Variants in ZGRF1 observed in about 807,000 individuals in gnomAD.
ZGRF1 encodes the protein 5'-3' DNA helicase ZGRF1.
In ZGRF1, 196 loss-of-function variants were observed where a neutral mutation model predicts 203.5. The observed-to-expected ratio is 0.96, with a 90% CI of 0.86 to 1.08. The LOEUF (loss-of-function observed/expected upper bound fraction) is 1.08. Among genes scored for constraint, ZGRF1 ranks in the 50% least tolerant of loss-of-function variants. ZGRF1 has a pLI of 0.00. For synonymous variants in ZGRF1, 809 were observed against 841.3 expected (o/e 0.96, Z 0.66); for missense variants, 2,326 against 2,416.3 (o/e 0.96, Z 0.78).
chr4:112,631,020 G>A (rs1295688555), intron 3 of ZGRF1, among the ~76,000 whole-genome samples: 4 of 152,066 alleles, frequency 2.6e-5, no homozygotes, highest in Non-Finnish European at 2.9e-5. Flanking sequence ...CCATCTCTCT[G>A]TACCCCAGTT....
chr4:112,558,099 C>G, intron 20 of ZGRF1, 51 bp downstream of exon 20: 1 of 1,527,640 alleles, frequency 6.5e-7, no homozygotes, highest in Admixed American at 2.0e-5. Flanking sequence ...GGTTGCCTCT[C>G]TCAACAATAT....
intron 22 of ZGRF1, among the ~76,000 whole-genome samples, chr4:112,551,845 TTA>T (rs35118375): frequency 0.39 from 59,312 of 151,908 alleles, 11,793 homozygotes; most frequent in South Asian, 0.49. Flanking sequence ...CTTTAAAAAA[TTA>T]TGTTATCTTT....
chr4:112,585,604 T>A lies in ZGRF1; in HGVS notation c.4038A>T (p.Val1346=). ...CAGGTTGACTATGATGGCAGGATGG[T>A]ACATTATTTTCTGCGTTTTTCAGTT... ...GEKLKNAENN[V]PSCHHSQPAK... is the part of the protein sequence containing the mutation. The change falls in exon 14 of 28, where the codon GTA becomes GTT. Residue 1346 remains valine, a synonymous_variant. Coordinates refer to ENST00000505019, the MANE Select transcript of ZGRF1 (RefSeq NM_018392.5). 6.2e-7 allele frequency: 1 copy of A among 1,612,774 alleles called. No individual in the cohort carries two copies. Among genetic ancestry groups the A allele is most frequent in the Non-Finnish European group, 8.5e-7 (1 of 1,179,490 alleles).
At chr4:112,598,292 G>C (rs1749374265) in intron 10 of ZGRF1, among the ~76,000 whole-genome samples, 1 of 151,962 alleles carries the variant, frequency 6.6e-6, no homozygotes, top group Non-Finnish European at 1.5e-5. Flanking sequence ...GCTTTTTGAG[G>C]GTATGGAAAA....
chr4:112,618,885 T>C lies in ZGRF1; in HGVS notation c.1157A>G (p.Asn386Ser). The change falls in exon 6 of 28, where the codon AAT becomes AGT. Residue 386 changes from asparagine to serine, a missense_variant. Asn to Ser is a conservative substitution (Grantham distance 46). Transcript: ENST00000505019. Reference protein sequence around the residue: ...ETYAEERKKYNVDQSVGNNDP... With the variant: ...ETYAEERKKYSVDQSVGNNDP... ...ATTATTACCGACTGACTGGTCTACA[T>C]TATACTTTTTCCTCTCTTCAGCATA... 1 of 1,613,806 alleles carries C rather than the reference T, an allele frequency of 6.2e-7. No individual in the cohort carries two copies. Among genetic ancestry groups the C allele is most frequent in the Non-Finnish European group, 8.5e-7 (1 of 1,179,826 alleles).
chr4:112,568,170 C>T (rs1381430878), intron 16 of ZGRF1, among the ~76,000 whole-genome samples: 1 of 151,236 alleles, frequency 6.6e-6, no homozygotes, highest in African/African-American at 2.4e-5. Flanking sequence ...TAATAAAAGA[C>T]CTAGAAAGGA....
intron 6 of ZGRF1, among the ~76,000 whole-genome samples, chr4:112,614,781 C>T (rs2046810435): frequency 1.3e-5 from 2 of 151,906 alleles, no homozygotes; most frequent in East Asian, 1.9e-4. Flanking sequence ...GAGCCAAGAT[C>T]GCGCCACTGC....
chr4:112,547,337 G>A lies in ZGRF1; in HGVS notation c.5546C>T (p.Ala1849Val). ...TTGTTCCAATCCATTTTCATGAGCT[G>A]CATCAGAACCCTGAATAGTAGGAGG... ...QLPPTIQGSD[A>V]AHENGLEQTL... The change falls in exon 24 of 28, where the codon GCA (alanine) becomes GTA (valine). Residue 1849 changes from alanine (A) to valine (V), a missense_variant. Coordinates refer to ENST00000505019, the MANE Select transcript of ZGRF1 (RefSeq NM_018392.5). 1 of 1,613,562 alleles carries A rather than the reference G, an allele frequency of 6.2e-7. No individual in the cohort carries two copies. The highest frequency in any genetic ancestry group is 8.5e-7 in the Non-Finnish European group (1 of 1,179,662).
At chr4:112,609,170 C>G (rs1290031701) in intron 8 of ZGRF1, among the ~76,000 whole-genome samples, 1 of 151,892 alleles carries the variant, frequency 6.6e-6, no homozygotes, top group South Asian at 2.1e-4. Flanking sequence ...TCTCCTGCCT[C>G]AGCCTCCCGA....
At chr4:112,546,258 G>A (rs1738751967) in intron 24 of ZGRF1, among the ~76,000 whole-genome samples, 1 of 152,004 alleles carries the variant, frequency 6.6e-6, no homozygotes, top group South Asian at 2.1e-4. Flanking sequence ...TAGGGAAGAG[G>A]AAATGGGCAG....
intron 10 of ZGRF1, among the ~76,000 whole-genome samples, chr4:112,592,179 C>T (rs1364165948): frequency 6.7e-6 from 1 of 150,038 alleles, no homozygotes; most frequent in Admixed American, 6.7e-5. Context: ...CTCACTGCAA[C>T]CTCTAACTCC....
rs1737922569 is a variant in ZGRF1, at chr4:112,542,791, T to TC, written c.5599-1524dup. ...TTCTTTCTTTCCTTCCTTCCTTCCT[T>TC]CTTTCTTTTTTCTTTTCTTTTCTTT... On this transcript the variant is annotated intron_variant, in intron 24 of 27. Transcript: ENST00000505019. 2.0e-5 allele frequency among the ~76,000 whole-genome samples: 3 copies of TC among 151,578 alleles called. No individual in the cohort carries two copies. The South Asian group carries it at 6.3e-4, about 32-fold the overall frequency.
Position 112,617,789 on chromosome 4 carries a change from A to C in ZGRF1, c.2253T>G (p.Ile751Met), listed in dbSNP as rs771798960. The C allele has an allele frequency of 6.2e-7, 1 of 1,613,994 alleles. No homozygotes were observed. Among genetic ancestry groups the C allele is most frequent in the South Asian group, 1.1e-5 (1 of 91,074 alleles). ...TGTGGGTATTTGATTTATCAAGTGCAATACATTCATAGTGATTCTGATTGG... is the reference window on the plus strand; with the variant it reads ...TGTGGGTATTTGATTTATCAAGTGCCATACATTCATAGTGATTCTGATTGG... ...LNTNQNHYEC[I>M]ALDKSNTHIS... Residue 751 changes from isoleucine (I) to methionine (M), a missense_variant, in exon 6 of 28, where the codon ATT (isoleucine) becomes ATG (methionine). Coordinates refer to ENST00000505019, the MANE Select transcript of ZGRF1 (RefSeq NM_018392.5).
chr4:112,624,606 GGATAA>G (rs1422475948), intron 3 of ZGRF1, among the ~76,000 whole-genome samples: 23 of 152,054 alleles, frequency 1.5e-4, no homozygotes, highest in Admixed American at 1.1e-3. Context: ...ACATTTGGGA[GGATAA>G]GATAATTATT....
In ZGRF1 at chr4:112,616,426, G is replaced by A. The variant is rs1430886249; in HGVS notation, c.2602+1014C>T. On this transcript the variant is annotated intron_variant, in intron 6 of 27. Transcript: ENST00000505019. ...TGTAATTCCAGCTACTGGGGAGGCTGAGGCAGGAGAATCACTTGAACCCAT... is the reference window on the plus strand; with the variant it reads ...TGTAATTCCAGCTACTGGGGAGGCTAAGGCAGGAGAATCACTTGAACCCAT... Among the ~76,000 whole-genome samples, 5 of 151,754 alleles carry A rather than the reference G, an allele frequency of 3.3e-5. No homozygotes were observed. In the East Asian group the frequency reaches 5.8e-4, roughly 18 times the overall value.
intron 8 of ZGRF1, among the ~76,000 whole-genome samples, chr4:112,606,454 G>C (rs950222971): frequency 6.6e-6 from 1 of 152,198 alleles, no homozygotes; most frequent in Non-Finnish European, 1.5e-5. Context: ...CTCAGGTCAG[G>C]AGTTCGAGAC....
intron 16 of ZGRF1, among the ~76,000 whole-genome samples, chr4:112,580,918 C>T (rs909112993): frequency 2.0e-5 from 3 of 151,998 alleles, no homozygotes; most frequent in African/African-American, 7.3e-5. Flanking sequence ...CCCAGCCATC[C>T]CATTACTGGG....
At chr4:112,548,622 T>G (rs1354879799) in intron 22 of ZGRF1, among the ~76,000 whole-genome samples, 2 of 151,232 alleles carry the variant, frequency 1.3e-5, no homozygotes, top group Non-Finnish European at 2.9e-5. Context: ...AAAAGACATA[T>G]TTTGATATTC....
At chr4:112,562,192 A>G (rs1049863260) in intron 18 of ZGRF1, 179 bp downstream of exon 18, 15 of 485,846 alleles carry the variant, frequency 3.1e-5, no homozygotes, top group Non-Finnish European at 5.2e-5. Context: ...TACAGGCATG[A>G]GCCACTGCAC....
Sources: allele counts gnomAD v4.1 joint callset (sites outside exome capture counted in the v4.1 genomes callset), GRCh38; gene constraint gnomAD v4.1.1; transcripts MANE v1.5; gene names NCBI Gene and HGNC (gene_info 2026-07-23, HGNC 2026-07-21).